Variants in TAB1 observed in about 807,000 individuals in gnomAD.
TAB1 encodes TGF-beta-activated kinase 1 and MAP3K7-binding protein 1.
A neutral mutation model predicts 54.5 loss-of-function variants in TAB1; 30 were observed. The ratio of observed to expected loss-of-function variants is 0.55; its 90% CI spans 0.41 to 0.75. TAB1 has a LOEUF of 0.75. TAB1 is among the 30% of genes least tolerant of loss of function. TAB1 has a pLI of 0.00. For synonymous variants in TAB1, 289 were observed against 286.9 expected (o/e 1.01, Z -0.07); for missense variants, 609 against 683.2 (o/e 0.89, Z 1.21).
chr22:39,430,131 A>G lies in TAB1; in HGVS notation c.1424A>G (p.Asp475Gly), dbSNP rs780961408. 2 of 1,614,028 alleles carry G rather than the reference A, an allele frequency of 1.2e-6. No homozygotes were observed. The highest frequency in any genetic ancestry group is 3.3e-5 in the Admixed American group (2 of 60,026). ...GCCCACTCGCTCCCGCCTGGCGAGG[A>G]CGGTCGTGTTGAGCCCTATGTGGAC... is the stretch of plus-strand genomic sequence containing the variant. ...RPAHSLPPGE[D>G]GRVEPYVDFA... Residue 475 changes from aspartate (D) to glycine (G), a missense_variant, in exon 11 of 11, where the codon GAC (aspartate) becomes GGC (glycine). Coordinates refer to ENST00000216160, the MANE Select transcript of TAB1 (RefSeq NM_006116.3).
rs1353471421 is a variant in TAB1 at position 39,426,692 on chromosome 22, CCCT to C, written c.922-8_922-6del. The C allele has an allele frequency of 5.0e-6, 8 of 1,590,348 alleles. No homozygotes were observed. Among genetic ancestry groups the C allele is most frequent in the Non-Finnish European group, 6.9e-6 (8 of 1,162,298 alleles). On this transcript the variant is annotated splice_region_variant and splice_polypyrimidine_tract_variant and intron_variant, in intron 8 of 10. Transcript: ENST00000216160. ...CGTTCCTTACCAGGTTCTTCCTACC[CCCT>C]CCCCCAGGAGATTGCTGCGATGATT...
rs1927561669 is a variant in TAB1 at position 39,430,898 on chromosome 22, G to A, written c.*676G>A. 10 of 988,004 alleles carry A rather than the reference G, an allele frequency of 1.0e-5. No individual in the cohort carries two copies. The highest frequency in any genetic ancestry group is 7.0e-5 in the African/African-American group (4 of 57,386). The allele number at this position is 988,004 out of a possible 1,614,324, so 61.2% of individuals were successfully genotyped here. A position where few individuals can be genotyped will look rare whatever the true frequency, so the allele number is the denominator to read the frequency against. ...AGACCTGGAACTGCCAGAGGATGGC[G>A]GCCTGGGCTTCCCCAGAGCCAGGCG... On this transcript the variant is annotated 3_prime_UTR_variant, in exon 11 of 11. Coordinates refer to ENST00000216160, the MANE Select transcript of TAB1 (RefSeq NM_006116.3).
chr22:39,403,825 T>C (rs1239274737), intron 1 of TAB1, among the ~76,000 whole-genome samples: 1 of 151,828 alleles, frequency 6.6e-6, no homozygotes, highest in Non-Finnish European at 1.5e-5. Context: ...TTTTTTTTTT[T>C]AGTAGAGACG....
At chr22:39,425,563 T>C (rs1193968967) in intron 8 of TAB1, among the ~76,000 whole-genome samples, 5 of 151,910 alleles carry the variant, frequency 3.3e-5, no homozygotes, top group Non-Finnish European at 7.4e-5. Flanking sequence ...TCTTTTCTTT[T>C]TTTTTTTTTG....
intron 1 of TAB1, among the ~76,000 whole-genome samples, chr22:39,404,988 G>A (rs774972198): frequency 2.0e-5 from 3 of 152,180 alleles, no homozygotes; most frequent in Non-Finnish European, 2.9e-5. Flanking sequence ...CCCCTGCTCC[G>A]AGCCCTCTTC....
At chr22:39,428,851 C>G (rs558698826) in intron 10 of TAB1, among the ~76,000 whole-genome samples, 16 of 152,336 alleles carry the variant, frequency 1.1e-4, no homozygotes, top group Admixed American at 2.6e-4. Context: ...GGGGGGTGGG[C>G]GGCCTGCATG....
rs781022170 is a variant in TAB1 at position 39,431,285 on chromosome 22, G to T, written c.*1063G>T. 44 of 985,644 alleles carry T rather than the reference G, an allele frequency of 4.5e-5. No homozygotes were observed. Among genetic ancestry groups the T allele is most frequent in the Non-Finnish European group, 5.1e-5 (42 of 830,106 alleles). The allele number at this position is 985,644 out of a possible 1,614,324, so 61.1% of individuals were successfully genotyped here. A position where few individuals can be genotyped will look rare whatever the true frequency, so the allele number is the denominator to read the frequency against. On this transcript the variant is annotated 3_prime_UTR_variant, in exon 11 of 11. Coordinates refer to ENST00000216160, the MANE Select transcript of TAB1 (RefSeq NM_006116.3). ...ATTTCCCACATGTTCTCTGCCTTCA[G>T]TGGGGAGGGGGTGCCACCAGGGCTG... is the stretch of plus-strand genomic sequence containing the variant.
chr22:39,428,289 C>T lies in TAB1; in HGVS notation c.1307+106C>T, dbSNP rs554985314. 5.1e-5 allele frequency: 37 copies of T among 726,872 alleles called. No homozygotes were observed. In the East Asian group the frequency reaches 8.6e-4, roughly 17 times the overall value. 45.0% of individuals were successfully genotyped at this position (726,872 alleles called of 1,614,324 possible). A position where few individuals can be genotyped will look rare whatever the true frequency, so the allele number is the denominator to read the frequency against. On this transcript the variant is annotated intron_variant, in intron 10 of 10. Transcript: ENST00000216160. The stretch of plus-strand genomic sequence containing the variant: ...GGGGCCAAGGCTTGTGGATGAGATG[C>T]CCTGGGGTCTGGAATTCCCCAGCTC...
rs774301559 is a variant in TAB1, at chr22:39,418,756, A to G, written c.575A>G (p.Lys192Arg). The G allele has an allele frequency of 6.2e-7, 1 of 1,614,118 alleles. No individual in the cohort carries two copies. The highest frequency in any genetic ancestry group is 8.5e-7 in the Non-Finnish European group (1 of 1,179,994). Residue 192 changes from lysine to arginine, a missense_variant, in exon 6 of 11, where the codon AAA (lysine) becomes AGA (arginine). Lys to Arg is a conservative substitution (Grantham distance 26, BLOSUM62 2). Transcript: ENST00000216160. ...GGTACAAACCGTGCACTTTTATGCA[A>G]ATCGACAGTGGATGGGTTGCAGGTG... ...NVGTNRALLC[K>R]STVDGLQVTQ...
At chr22:39,433,252 C>G (rs1927655354), downstream of TAB1, 1 of 918,012 alleles carries the variant, frequency 1.1e-6, no homozygotes, top group Non-Finnish European at 1.3e-6. Context: ...GAGATCGAGA[C>G]CATCCTGGCT....
chr22:39,435,662 C>A (rs1927753941), downstream of TAB1, among the ~76,000 whole-genome samples: 1 of 152,188 alleles, frequency 6.6e-6, no homozygotes, highest in Non-Finnish European at 1.5e-5. Flanking sequence ...TGGTGGGCCC[C>A]CTTCCCCACC....
At chr22:39,422,207 A>T (rs1250249933) in intron 8 of TAB1, among the ~76,000 whole-genome samples, 1 of 151,984 alleles carries the variant, frequency 6.6e-6, no homozygotes, top group Non-Finnish European at 1.5e-5. Context: ...GTCTGAAGGG[A>T]AGAGGGGGAG....
At chr22:39,408,874 C>G (rs1800129028) in intron 1 of TAB1, among the ~76,000 whole-genome samples, 3 of 152,132 alleles carry the variant, frequency 2.0e-5, no homozygotes, top group Non-Finnish European at 4.4e-5. Context: ...ATTTATTTGG[C>G]TGGGAAACTA....
chr22:39,433,409 C>T (rs1027037167), downstream of TAB1: 14 of 947,008 alleles, frequency 1.5e-5, no homozygotes, highest in Non-Finnish European at 1.4e-5. Context: ...CAAGATAGCA[C>T]CACTGCACTC....
intron 1 of TAB1, among the ~76,000 whole-genome samples, chr22:39,412,659 G>A (rs1926656514): frequency 6.6e-6 from 1 of 152,136 alleles, no homozygotes; most frequent in Non-Finnish European, 1.5e-5. Context: ...ACTCCTGTCA[G>A]TATATAACTA....
chr22:39,423,634 GTCT>G (rs1336668965), intron 8 of TAB1, among the ~76,000 whole-genome samples: 3 of 152,258 alleles, frequency 2.0e-5, no homozygotes, highest in South Asian at 2.1e-4. Flanking sequence ...TGAGGAAAAA[GTCT>G]TCTTTAAAAT....
intron 1 of TAB1, among the ~76,000 whole-genome samples, chr22:39,403,824 T>TA (rs1926250030): frequency 6.6e-6 from 1 of 151,960 alleles, no homozygotes; most frequent in African/African-American, 2.4e-5. Context: ...ATTTTTTTTT[T>TA]TAGTAGAGAC....
chr22:39,400,134 G>C (rs558369733), intron 1 of TAB1, among the ~76,000 whole-genome samples: 3 of 152,142 alleles, frequency 2.0e-5, no homozygotes, highest in Non-Finnish European at 4.4e-5. Flanking sequence ...AGAGCTATCC[G>C]AGTCTCGAGC....
chr22:39,426,850 G>C lies in TAB1; in HGVS notation c.1069G>C (p.Asp357His). ...ERARFCPRHE[D>H]MTLLVRNFGY... ...TGCCAGGTTCTGCCCCCGGCACGAGGACATGACCCTGCTAGTGAGGAACTT... is the reference window on the plus strand; with the variant it reads ...TGCCAGGTTCTGCCCCCGGCACGAGCACATGACCCTGCTAGTGAGGAACTT... The change falls in exon 9 of 11, where the codon GAC becomes CAC. Residue 357 changes from aspartate (D) to histidine (H), a missense_variant. Physicochemically the swap from Asp to His is moderately conservative, Grantham distance 81. Coordinates refer to ENST00000216160, the MANE Select transcript of TAB1 (RefSeq NM_006116.3). 6.2e-7 allele frequency: 1 copy of C among 1,613,612 alleles called. No homozygotes were observed. Among genetic ancestry groups the C allele is most frequent in the Non-Finnish European group, 8.5e-7 (1 of 1,180,032 alleles).
Sources: gnomAD v4.1 joint callset for allele counts (sites outside exome capture counted in the v4.1 genomes callset) on GRCh38, gnomAD v4.1.1 for gene constraint, MANE v1.5 for transcripts, NCBI Gene and HGNC (gene_info 2026-07-23, HGNC 2026-07-21) for gene names.